The following GRM7 variants were observed in gnomAD, a reference collection of about 807,000 sequenced individuals.
The protein encoded by GRM7 is glutamate metabotropic receptor 7.
Under a neutral mutation model 84.5 loss-of-function variants are expected in GRM7, and 35 were observed. The observed-to-expected ratio is 0.41, with a 90% CI of 0.32 to 0.55. The LOEUF is 0.55. Ranked by LOEUF, GRM7 falls within the 20% of genes least tolerant of loss-of-function variation. The pLI, the probability that GRM7 is intolerant of heterozygous loss-of-function variation, is 0.19. For synonymous variants in GRM7, 487 were observed against 455.1 expected (o/e 1.07, Z -0.89); for missense variants, 1,003 against 1,194.6 (o/e 0.84, Z 2.36).
At chr3:7,000,154 G>A (rs925954091) in intron 1 of GRM7, among the ~76,000 whole-genome samples, 1 of 139,140 alleles carries the variant, frequency 7.2e-6, no homozygotes, top group Admixed American at 7.5e-5. Flanking sequence ...CAACAGTAAT[G>A]TCAGAGGTTG....
At chr3:7,344,246 C>A (rs1692785122) in intron 4 of GRM7, among the ~76,000 whole-genome samples, 1 of 152,106 alleles carries the variant, frequency 6.6e-6, no homozygotes, top group African/African-American at 2.4e-5. Context: ...CCTCTTCCCA[C>A]CCTCTACCCT....
chr3:7,467,470 A>G (rs925050949), intron 7 of GRM7, among the ~76,000 whole-genome samples: 1 of 152,140 alleles, frequency 6.6e-6, no homozygotes, highest in Non-Finnish European at 1.5e-5. Flanking sequence ...TAAGCCAATC[A>G]CTGTAGCCAT....
chr3:7,587,414 C>A (rs1356971958), intron 8 of GRM7, among the ~76,000 whole-genome samples: 2 of 152,096 alleles, frequency 1.3e-5, no homozygotes, highest in Admixed American at 1.3e-4. Flanking sequence ...AATATGTCTA[C>A]CTGGGCATTG....
chr3:7,677,187 G>T (rs9873937), intron 8 of GRM7, among the ~76,000 whole-genome samples: 2 of 147,038 alleles, frequency 1.4e-5, no homozygotes, highest in Admixed American at 1.4e-4. Flanking sequence ...GCTTGAACCC[G>T]TGAGGCAGAG....
chr3:7,738,223 G>C (rs1451917475), intron 9 of GRM7, among the ~76,000 whole-genome samples: 1 of 152,146 alleles, frequency 6.6e-6, no homozygotes, highest in African/African-American at 2.4e-5. Context: ...GTAAGTGACA[G>C]AGCTGAATCA....
At chr3:7,686,255 T>C (rs1700579752) in intron 9 of GRM7, 1 of 607,762 alleles carries the variant, frequency 1.6e-6, no homozygotes, top group Admixed American at 2.5e-5. Flanking sequence ...ATGTGTATGG[T>C]CTCTATCGCA....
intron 1 of GRM7, among the ~76,000 whole-genome samples, chr3:6,963,863 C>CA (rs1243444983): frequency 2.0e-5 from 3 of 152,084 alleles, no homozygotes; most frequent in African/African-American, 7.2e-5. Flanking sequence ...TTTTCGTCTC[C>CA]ACTCTGCACA....
intron 1 of GRM7, among the ~76,000 whole-genome samples, chr3:6,948,510 T>G (rs999991036): frequency 1.3e-5 from 2 of 152,104 alleles, no homozygotes; most frequent in Admixed American, 1.3e-4. Flanking sequence ...GTGGTGTGGT[T>G]CTGAGAAGAA....
At chr3:6,868,639 C>T (rs556081023) in intron 1 of GRM7, among the ~76,000 whole-genome samples, 9 of 152,268 alleles carry the variant, frequency 5.9e-5, no homozygotes, top group African/African-American at 2.2e-4. Flanking sequence ...ATTTCGTTCA[C>T]TCCACCCTTT....
chr3:6,984,862 A>G (rs1463768891), intron 1 of GRM7, among the ~76,000 whole-genome samples: 1 of 152,164 alleles, frequency 6.6e-6, no homozygotes, highest in African/African-American at 2.4e-5. Flanking sequence ...TGGAACTGAG[A>G]GAGGAGGCTG....
At chr3:7,535,825 C>T in intron 7 of GRM7, among the ~76,000 whole-genome samples, 1 of 152,204 alleles carries the variant, frequency 6.6e-6, no homozygotes, top group East Asian at 1.9e-4. Flanking sequence ...CCATGTTTTA[C>T]TTGTCAAACC....
chr3:6,997,688 AATGTC>A (rs1020452962), intron 1 of GRM7, among the ~76,000 whole-genome samples: 1 of 152,142 alleles, frequency 6.6e-6, no homozygotes, highest in African/African-American at 2.4e-5. Context: ...GCACCTCCCA[AATGTC>A]ATGTCCTCAC....
chr3:7,011,711 G>A (rs955953134), intron 1 of GRM7, among the ~76,000 whole-genome samples: 1 of 152,118 alleles, frequency 6.6e-6, no homozygotes, highest in Non-Finnish European at 1.5e-5. Flanking sequence ...AGGCAAACCT[G>A]GGAACAGAAA....
chr3:7,600,721 A>G (rs1290015218), intron 8 of GRM7, among the ~76,000 whole-genome samples: 2 of 152,292 alleles, frequency 1.3e-5, no homozygotes, highest in Non-Finnish European at 2.9e-5. Context: ...CATCTTAACC[A>G]AAGTTTATTA....
chr3:7,423,033 A>G (rs577968713), intron 5 of GRM7, among the ~76,000 whole-genome samples: 8 of 152,182 alleles, frequency 5.3e-5, no homozygotes, highest in Non-Finnish European at 1.0e-4. Flanking sequence ...CTTCAGCCTT[A>G]TGAAATAGAG....
chr3:7,597,691 T>A (rs1057056380), intron 8 of GRM7, among the ~76,000 whole-genome samples: 1 of 152,058 alleles, frequency 6.6e-6, no homozygotes, highest in Non-Finnish European at 1.5e-5. Context: ...TCATTTTTGG[T>A]TTGTTTGTTT....
In GRM7 at chr3:7,486,462, C is replaced by T. The variant is rs151045889; in HGVS notation, c.1515+24740C>T. ...ATTGAGAGGCAATTGGGTCATAAAG[C>T]GTACTCCTTTATGAAGGGATTAATG... On this transcript the variant is annotated intron_variant, in intron 7 of 9. Transcript: ENST00000357716. This position sits in a 1 kb window ranked among gnomAD's most constrained non-coding sequence, Gnocchi z 5.5. 6.6e-5 allele frequency among the ~76,000 whole-genome samples: 10 copies of T among 152,046 alleles called. No homozygotes were observed. The highest frequency in any genetic ancestry group is 2.4e-4 in the African/African-American group (10 of 41,408).
At chr3:7,550,495 C>T (rs1693400756) in intron 7 of GRM7, among the ~76,000 whole-genome samples, 2 of 133,886 alleles carry the variant, frequency 1.5e-5, no homozygotes, top group African/African-American at 2.8e-5. Flanking sequence ...TTTCCTTTCT[C>T]TCCTCCTCTT....
At chr3:7,382,708 A>G (rs1694637903) in intron 4 of GRM7, among the ~76,000 whole-genome samples, 1 of 152,218 alleles carries the variant, frequency 6.6e-6, no homozygotes, top group South Asian at 2.1e-4. Context: ...TAGTGTGTTT[A>G]TATATCTTGT....
Sources: allele counts gnomAD v4.1 joint callset (sites outside exome capture counted in the v4.1 genomes callset), GRCh38; gene constraint gnomAD v4.1.1; non-coding constraint Gnocchi (gnomAD v3.1); transcripts MANE v1.5; gene names NCBI Gene and HGNC (gene_info 2026-07-23, HGNC 2026-07-21).